Variants in PRKG1 observed in about 807,000 individuals in gnomAD.
PRKG1 encodes the protein cGMP-dependent protein kinase 1.
A neutral mutation model predicts 88.1 loss-of-function variants in PRKG1; 35 were observed. The observed-to-expected ratio is 0.40, with a 90% CI of 0.30 to 0.53. The LOEUF (loss-of-function observed/expected upper bound fraction) is 0.53. Among genes scored for constraint, PRKG1 ranks in the 20% least tolerant of loss-of-function variants. The pLI is 0.59. For missense variants in PRKG1, 540 were observed against 839.8 expected, an observed-to-expected ratio of 0.64 and a Z score of 4.41; for synonymous variants, 303 against 292.5, an observed-to-expected ratio of 1.04 and a Z score of -0.37.
chr10:51,896,768 A>G (rs1841859567), intron 4 of PRKG1, among the ~76,000 whole-genome samples: 1 of 152,066 alleles, frequency 6.6e-6, no homozygotes, highest in Non-Finnish European at 1.5e-5. Flanking sequence ...TTTTGATTCT[A>G]AAACTCATAT....
chr10:51,546,438 C>T lies in PRKG1; in HGVS notation c.592+78602C>T, dbSNP rs777421008. Among the ~76,000 whole-genome samples, 6 of 151,944 alleles carry T rather than the reference C, an allele frequency of 3.9e-5. No homozygotes were observed. The East Asian group carries it at 9.7e-4, about 24-fold the overall frequency. ...CCAGAAAACGGTTTATCCTCTTGTA[C>T]GTAATACTTTTAATTCTAAATATGT... On this transcript the variant is annotated intron_variant, in intron 3 of 17. Coordinates refer to ENST00000373980, the MANE Select transcript of PRKG1 (RefSeq NM_006258.4).
chr10:52,293,736 T>A, intron 17 of PRKG1, 66 bp from the exon 18 acceptor site: 1 of 1,347,124 alleles, frequency 7.4e-7, no homozygotes. Flanking sequence ...AGAATGCACT[T>A]AAAAATTCCA....
chr10:51,686,750 T>C (rs984139977), intron 3 of PRKG1, among the ~76,000 whole-genome samples: 1 of 152,132 alleles, frequency 6.6e-6, no homozygotes, highest in African/African-American at 2.4e-5. Flanking sequence ...TTTTGTTTGT[T>C]TGTTTGTTTG....
At chr10:52,200,489 T>C (rs1297484527) in intron 9 of PRKG1, among the ~76,000 whole-genome samples, 1 of 152,200 alleles carries the variant, frequency 6.6e-6, no homozygotes, top group African/African-American at 2.4e-5. Flanking sequence ...TTCCATGTCT[T>C]TGCTATTGTG....
intron 7 of PRKG1, among the ~76,000 whole-genome samples, chr10:52,093,352 G>A (rs759777844): frequency 5.3e-5 from 8 of 152,048 alleles, no homozygotes; most frequent in African/African-American, 1.7e-4. Context: ...TTTTCCATTT[G>A]TCAGAGAAAA....
chr10:51,570,346 C>A (rs1412373874), intron 3 of PRKG1, among the ~76,000 whole-genome samples: 1 of 151,614 alleles, frequency 6.6e-6, no homozygotes, highest in African/African-American at 2.4e-5. Flanking sequence ...ATACTGTATT[C>A]TTACAATAAA....
intron 3 of PRKG1, chr10:51,568,839 G>A (rs1837674668): frequency 6.6e-6 from 1 of 151,968 alleles, no homozygotes; most frequent in African/African-American, 2.4e-5. Flanking sequence ...TGATAATTAA[G>A]CGACCATTGG....
intron 2 of PRKG1, among the ~76,000 whole-genome samples, chr10:51,167,264 C>G (rs1218795545): frequency 6.6e-6 from 1 of 152,072 alleles, no homozygotes; most frequent in Non-Finnish European, 1.5e-5. Context: ...GAGTTTGAAC[C>G]TGAATGACAA....
At chr10:51,175,705 G>T (rs377257522) in intron 2 of PRKG1, among the ~76,000 whole-genome samples, 4 of 151,918 alleles carry the variant, frequency 2.6e-5, no homozygotes, top group African/African-American at 7.2e-5. Flanking sequence ...CTAGTTGACT[G>T]GTTCTCAAAA....
intron 9 of PRKG1, among the ~76,000 whole-genome samples, chr10:52,227,154 T>A (rs1840408669): frequency 6.6e-6 from 1 of 152,170 alleles, no homozygotes; most frequent in Non-Finnish European, 1.5e-5. Flanking sequence ...GAAGAAGCTA[T>A]TTCCAAATTC....
At chr10:51,589,350 A>G (rs1267437501) in intron 3 of PRKG1, among the ~76,000 whole-genome samples, 2 of 152,210 alleles carry the variant, frequency 1.3e-5, no homozygotes, top group Non-Finnish European at 2.9e-5. Context: ...CAGCCCAGGC[A>G]CAGTGGCTCA....
At chr10:51,383,850 C>A (rs1161591908) in intron 2 of PRKG1, among the ~76,000 whole-genome samples, 1 of 152,128 alleles carries the variant, frequency 6.6e-6, no homozygotes, top group Non-Finnish European at 1.5e-5. Context: ...TGAATGAGAG[C>A]GTAATTCTGT....
intron 2 of PRKG1, among the ~76,000 whole-genome samples, chr10:51,401,161 C>T (rs1837727605): frequency 1.3e-5 from 2 of 152,092 alleles, no homozygotes; most frequent in Admixed American, 1.3e-4. Context: ...TATATTTTAA[C>T]CAGTATATCC....
At chr10:51,517,290 G>C (rs1841614994) in intron 3 of PRKG1, among the ~76,000 whole-genome samples, 1 of 152,190 alleles carries the variant, frequency 6.6e-6, no homozygotes, top group African/African-American at 2.4e-5. Flanking sequence ...AATTTAGCTA[G>C]ACCTATTTGT....
chr10:51,115,569 G>A (rs1845101099), intron 1 of PRKG1, among the ~76,000 whole-genome samples: 1 of 151,210 alleles, frequency 6.6e-6, no homozygotes, highest in African/African-American at 2.4e-5. Context: ...GCTGGGTGTG[G>A]TGGCTCATGC....
At chr10:51,859,801 C>T (rs1840823114) in intron 4 of PRKG1, among the ~76,000 whole-genome samples, 1 of 152,166 alleles carries the variant, frequency 6.6e-6, no homozygotes, top group South Asian at 2.1e-4. Flanking sequence ...TAACATTCCA[C>T]ACTAGTTTGC....
intron 4 of PRKG1, among the ~76,000 whole-genome samples, chr10:51,879,677 G>T (rs764424359): frequency 6.6e-6 from 1 of 152,184 alleles, no homozygotes; most frequent in Non-Finnish European, 1.5e-5. Context: ...CCTATGTGTA[G>T]ATTTAGTATA....
chr10:51,441,122 T>C (rs1839092276), intron 2 of PRKG1, among the ~76,000 whole-genome samples: 1 of 151,950 alleles, frequency 6.6e-6, no homozygotes, highest in Admixed American at 6.6e-5. Flanking sequence ...CACTTTCACT[T>C]GTATGTTCTA....
chr10:51,435,932 T>C (rs1370647293), intron 2 of PRKG1, among the ~76,000 whole-genome samples: 1 of 151,974 alleles, frequency 6.6e-6, no homozygotes, highest in Non-Finnish European at 1.5e-5. Flanking sequence ...TCCTAGGATA[T>C]TTTCTTGAGA....
Sources: gnomAD v4.1 joint callset for allele counts (sites outside exome capture counted in the v4.1 genomes callset) on GRCh38, gnomAD v4.1.1 for gene constraint, MANE v1.5 for transcripts, NCBI Gene and HGNC (gene_info 2026-07-23, HGNC 2026-07-21) for gene names.